HSPBAP1: variants seen among roughly 807,000 people sequenced by gnomAD.
HSPBAP1 encodes HSPB1 associated protein 1.
Under a neutral mutation model 45.2 loss-of-function variants are expected in HSPBAP1, and 27 were observed. The ratio of observed to expected loss-of-function variants is 0.60; its 90% CI spans 0.44 to 0.82. The LOEUF is 0.82. Among genes scored for constraint, HSPBAP1 ranks in the 40% least tolerant of loss-of-function variants. HSPBAP1 has a pLI of 0.00. For synonymous variants in HSPBAP1, 204 were observed against 202.7 expected (o/e 1.01, Z -0.06); for missense variants, 510 against 590.9 (o/e 0.86, Z 1.42).
At chr3:122,785,873 T>G (rs1935636427) in intron 1 of HSPBAP1, among the ~76,000 whole-genome samples, 1 of 134,648 alleles carries the variant, frequency 7.4e-6, no homozygotes. Context: ...AGATAGGGAA[T>G]ATATATCTAT....
At chr3:122,761,121 C>T (rs1008600136) in intron 3 of HSPBAP1, among the ~76,000 whole-genome samples, 1 of 152,152 alleles carries the variant, frequency 6.6e-6, no homozygotes, top group African/African-American at 2.4e-5. Flanking sequence ...CAATTTACCA[C>T]ACCTCAGTCT....
rs1395214653 is a variant in HSPBAP1, at chr3:122,793,514, G to A, written c.64+103C>T. The stretch of plus-strand genomic sequence containing the variant: ...CTTCATAGTCTAATGCAAGGCCAGA[G>A]AGACCTGGGTTGGGGCTAAGGCAAA... On this transcript the variant is annotated intron_variant, in intron 1 of 7. Coordinates refer to ENST00000306103, the MANE Select transcript of HSPBAP1 (RefSeq NM_024610.6). 210 of 916,900 alleles carry A rather than the reference G, an allele frequency of 2.3e-4. 4 individuals are homozygous for A. Among genetic ancestry groups the A allele is most frequent in the Non-Finnish European group, 2.5e-5 (14 of 564,974 alleles). The allele number at this position is 916,900 out of a possible 1,614,324, so 56.8% of individuals were successfully genotyped here.
Position 122,752,560 on chromosome 3 carries a change from T to TAA in HSPBAP1, c.825+29_825+30dup, listed in dbSNP as rs56192340. 7,580 of 1,072,496 alleles carry TAA rather than the reference T, an allele frequency of 7.1e-3. 3 individuals are homozygous for TAA. Among genetic ancestry groups the TAA allele is most frequent in the East Asian group, 0.044 (1,621 of 36,876 alleles). The allele number at this position is 1,072,496 out of a possible 1,614,324, so 66.4% of individuals were successfully genotyped here. A position where few individuals can be genotyped will look rare whatever the true frequency, so the allele number is the denominator to read the frequency against. ...TTTAAAAGCATGATTTGCACTTACTTAAAAAAAAAAAAAAAACAACGAAAA... is the reference window on the plus strand; with the variant it reads ...TTTAAAAGCATGATTTGCACTTACTTAAAAAAAAAAAAAAAAAACAACGAAAA... On this transcript the variant is annotated intron_variant, in intron 6 of 7. Coordinates refer to ENST00000306103, the MANE Select transcript of HSPBAP1 (RefSeq NM_024610.6).
intron 6 of HSPBAP1, among the ~76,000 whole-genome samples, chr3:122,746,820 T>C (rs1576233866): frequency 6.6e-6 from 1 of 152,120 alleles, no homozygotes; most frequent in South Asian, 2.1e-4. Context: ...GCCTGGCTGG[T>C]TTTCGTATTT....
intron 6 of HSPBAP1, among the ~76,000 whole-genome samples, chr3:122,746,355 CA>C (rs1403708606): frequency 7.7e-6 from 1 of 130,468 alleles, no homozygotes; most frequent in Non-Finnish European, 1.7e-5. Context: ...ATTAAAAAAA[CA>C]GAGGCAAGAA....
At chr3:122,786,748 G>C (rs1237275024) in intron 1 of HSPBAP1, among the ~76,000 whole-genome samples, 5 of 152,186 alleles carry the variant, frequency 3.3e-5, no homozygotes, top group Non-Finnish European at 5.9e-5. Flanking sequence ...ACTATGAAGT[G>C]TGTGCAAAGC....
At chr3:122,785,450 G>C (rs1935621496) in intron 1 of HSPBAP1, among the ~76,000 whole-genome samples, 1 of 152,178 alleles carries the variant, frequency 6.6e-6, no homozygotes, top group African/African-American at 2.4e-5. Flanking sequence ...CCTCCAGGTG[G>C]TATCTGATCA....
chr3:122,749,499 TGATA>T (rs1300868592), intron 6 of HSPBAP1, among the ~76,000 whole-genome samples: 1 of 152,182 alleles, frequency 6.6e-6, no homozygotes, highest in Non-Finnish European at 1.5e-5. Context: ...TCCCTCTTAG[TGATA>T]GATACAGTCT....
Position 122,759,371 on chromosome 3 carries a change from AT to A in HSPBAP1, c.433-12del. 1 of 1,611,072 alleles carries A rather than the reference AT, an allele frequency of 6.2e-7. No homozygotes were observed. Among genetic ancestry groups the A allele is most frequent in the African/African-American group, 1.3e-5 (1 of 74,998 alleles). On this transcript the variant is annotated splice_polypyrimidine_tract_variant and intron_variant, in intron 3 of 7. Transcript: ENST00000306103. ...AGACCATTTCACATCCTGTTTTGAA[AT>A]AAAGTTGCAATCCATCAAGAACTAA...
Position 122,777,910 on chromosome 3 carries a change from G to C in HSPBAP1, c.65-4C>G. ...TTAAAAGGTTTGACATGTTCACCTAGAAAGAGAAATGAATACAGCAATAGA... is the reference window on the plus strand; with the variant it reads ...TTAAAAGGTTTGACATGTTCACCTACAAAGAGAAATGAATACAGCAATAGA... On this transcript the variant is annotated splice_region_variant and splice_polypyrimidine_tract_variant and intron_variant, in intron 1 of 7. Transcript: ENST00000306103. 6.2e-7 allele frequency: 1 copy of C among 1,605,808 alleles called. No homozygotes were observed. The highest frequency in any genetic ancestry group is 2.2e-5 in the East Asian group (1 of 44,768).
chr3:122,786,097 C>T (rs1935648613), intron 1 of HSPBAP1, among the ~76,000 whole-genome samples: 1 of 151,968 alleles, frequency 6.6e-6, no homozygotes, highest in Admixed American at 6.6e-5. Context: ...GAACCAACTA[C>T]TACCTCCTGA....
At chr3:122,748,408 T>A (rs570999614) in intron 6 of HSPBAP1, among the ~76,000 whole-genome samples, 9 of 150,646 alleles carry the variant, frequency 6.0e-5, no homozygotes, top group Non-Finnish European at 1.2e-4. Flanking sequence ...AAAAATTAGA[T>A]CTCAAACTTA....
chr3:122,742,340 TA>T, intron 6 of HSPBAP1, among the ~76,000 whole-genome samples: 1 of 151,914 alleles, frequency 6.6e-6, no homozygotes, highest in Non-Finnish European at 1.5e-5. Flanking sequence ...ATATTGAACT[TA>T]AAAAAGCAAA....
rs1253150840 is a variant in HSPBAP1 at position 122,793,754 on chromosome 3, C to T, written c.-74G>A. ...GGGTGGGGTCAGAGTAGGGGCCAAACTCCGAGACCCGAAGCTGCACCACAG... is the reference window on the plus strand; with the variant it reads ...GGGTGGGGTCAGAGTAGGGGCCAAATTCCGAGACCCGAAGCTGCACCACAG... On this transcript the variant is annotated 5_prime_UTR_variant, in exon 1 of 8. Transcript: ENST00000306103. 1 of 1,380,892 alleles carries T rather than the reference C, an allele frequency of 7.2e-7. No homozygotes were observed. Among genetic ancestry groups the T allele is most frequent in the East Asian group, 2.3e-5 (1 of 43,064 alleles). The allele number at this position is 1,380,892 out of a possible 1,614,324, so 85.5% of individuals were successfully genotyped here. A position where few individuals can be genotyped will look rare whatever the true frequency, so the allele number is the denominator to read the frequency against.
At chr3:122,793,593 G>C (rs1308794735) in intron 1 of HSPBAP1, 24 bp downstream of exon 1, 1 of 1,611,624 alleles carries the variant, frequency 6.2e-7, no homozygotes, top group African/African-American at 1.3e-5. Context: ...TGTACTCAGG[G>C]TCGGACCTCA....
intron 3 of HSPBAP1, among the ~76,000 whole-genome samples, chr3:122,760,218 G>A (rs1934521346): frequency 1.3e-5 from 2 of 151,976 alleles, no homozygotes; most frequent in Admixed American, 1.3e-4. Flanking sequence ...GAAAAATAGG[G>A]TCACACATAA....
intron 6 of HSPBAP1, among the ~76,000 whole-genome samples, chr3:122,746,389 C>A (rs948905357): frequency 9.1e-5 from 12 of 132,454 alleles, no homozygotes; most frequent in Non-Finnish European, 1.3e-4. Flanking sequence ...CCCTGCAAAA[C>A]AAAGCAATGG....
intron 1 of HSPBAP1, 119 bp downstream of exon 1, chr3:122,793,498 C>T (rs953981037): frequency 1.0e-5 from 8 of 777,698 alleles, no homozygotes; most frequent in Non-Finnish European, 1.8e-5. Context: ...TCTTCATAGT[C>T]TAATGCAAGG....
At chr3:122,759,389 A>G in intron 3 of HSPBAP1, 29 bp from the exon 4 acceptor site, 1 of 1,605,454 alleles carries the variant, frequency 6.2e-7, no homozygotes, top group Non-Finnish European at 8.5e-7. Flanking sequence ...GCAATCCATC[A>G]AGAACTAACC....
Sources: gnomAD v4.1 joint callset for allele counts (sites outside exome capture counted in the v4.1 genomes callset) on GRCh38, gnomAD v4.1.1 for gene constraint, MANE v1.5 for transcripts, NCBI Gene and HGNC (gene_info 2026-07-23, HGNC 2026-07-21) for gene names.